Variants in CDH20 observed in about 807,000 individuals in gnomAD.
The protein encoded by CDH20 is cadherin 20.
A neutral mutation model predicts 74.2 loss-of-function variants in CDH20; 29 were observed. The ratio of observed to expected loss-of-function variants is 0.39; its 90% CI spans 0.29 to 0.53. The LOEUF (loss-of-function observed/expected upper bound fraction) is 0.53. Ranked by LOEUF, CDH20 falls within the 20% of genes least tolerant of loss-of-function variation. CDH20 has a pLI of 0.69. For synonymous variants in CDH20, 469 were observed against 405.4 expected, an observed-to-expected ratio of 1.16 and a Z score of -1.88; for missense variants, 988 against 1,048.3, an observed-to-expected ratio of 0.94 and a Z score of 0.79.
At chr18:61,430,160 G>C (rs1033971123) in intron 1 of CDH20, among the ~76,000 whole-genome samples, 7 of 151,736 alleles carry the variant, frequency 4.6e-5, no homozygotes, top group Admixed American at 1.3e-4. Flanking sequence ...TTGCAGTTTG[G>C]TCTTGGTCAT....
chr18:61,554,374 C>T lies in CDH20; in HGVS notation c.2085C>T (p.Pro695=). The T allele has an allele frequency of 6.2e-7, 1 of 1,612,926 alleles. No individual in the cohort carries two copies. Among genetic ancestry groups the T allele is most frequent in the Admixed American group, 1.7e-5 (1 of 59,996 alleles). ...NPREAQAGAA[P]KTRQDMLPEI... is the part of the protein sequence containing the mutation. ...GGGAGGCGCAGGCGGGGGCCGCCCC[C>T]AAGACGCGGCAGGACATGCTGCCCG... Residue 695 remains proline (P), a synonymous_variant, in exon 12 of 12, where the codon CCC becomes CCT. Transcript: ENST00000262717.
chr18:61,490,628 G>C lies in CDH20; in HGVS notation c.75G>C (p.Leu25=), dbSNP rs746672252. 9.9e-6 allele frequency: 16 copies of C among 1,613,934 alleles called. No individual in the cohort carries two copies. Among genetic ancestry groups the C allele is most frequent in the African/African-American group, 2.7e-5 (2 of 74,864 alleles). ...GCATGTCCTTGTACTTCTGGGGGCTGATGGACCTTACGACCACCGTTCTCT... is the reference window on the plus strand; with the variant it reads ...GCATGTCCTTGTACTTCTGGGGGCTCATGGACCTTACGACCACCGTTCTCT... ...GLGMSLYFWG[L]MDLTTTVLSD... The change falls in exon 2 of 12, where the codon CTG becomes CTC. Residue 25 remains leucine (L), a synonymous_variant. Transcript: ENST00000262717.
chr18:61,503,951 A>G (rs1170783097), intron 5 of CDH20, among the ~76,000 whole-genome samples: 1 of 152,192 alleles, frequency 6.6e-6, no homozygotes, highest in African/African-American at 2.4e-5. Context: ...GCACTATTCT[A>G]TGAATGGAAC....
intron 1 of CDH20, among the ~76,000 whole-genome samples, chr18:61,487,638 T>C (rs1019728531): frequency 3.9e-5 from 6 of 152,020 alleles, no homozygotes; most frequent in Non-Finnish European, 1.5e-5. Flanking sequence ...ACGTGTTCAG[T>C]GGAGGGGAGG....
intron 6 of CDH20, among the ~76,000 whole-genome samples, chr18:61,509,306 A>T (rs1911696065): frequency 6.6e-6 from 1 of 152,234 alleles, no homozygotes; most frequent in African/African-American, 2.4e-5. Flanking sequence ...TACAGTGAGC[A>T]GACTCATACC....
intron 11 of CDH20, among the ~76,000 whole-genome samples, chr18:61,553,340 T>C (rs1343673763): frequency 2.0e-5 from 3 of 151,902 alleles, no homozygotes; most frequent in African/African-American, 7.3e-5. Context: ...GAGAGATAAA[T>C]AGCTCAATGG....
intron 7 of CDH20, among the ~76,000 whole-genome samples, chr18:61,528,481 A>ACACACACACACACACCCC (rs755504850): frequency 4.0e-5 from 6 of 149,318 alleles, no homozygotes; most frequent in East Asian, 3.9e-4. Flanking sequence ...ACACACACAC[A>ACACACACACACACACCCC]CCCCTTAGTT....
intron 7 of CDH20, among the ~76,000 whole-genome samples, chr18:61,531,424 G>A (rs1198944326): frequency 6.6e-6 from 1 of 152,230 alleles, no homozygotes; most frequent in Non-Finnish European, 1.5e-5. Flanking sequence ...CCACATGGCT[G>A]GCTCTCTGCA....
chr18:61,416,541 T>A (rs1912690022), intron 1 of CDH20, among the ~76,000 whole-genome samples: 1 of 152,226 alleles, frequency 6.6e-6, no homozygotes, highest in South Asian at 2.1e-4. Context: ...TGCCTCACTA[T>A]CCAATTTAGC....
At chr18:61,383,654 A>G (rs1190545698) in intron 1 of CDH20, among the ~76,000 whole-genome samples, 1 of 152,214 alleles carries the variant, frequency 6.6e-6, no homozygotes, top group Non-Finnish European at 1.5e-5. Context: ...AGTTACCTGA[A>G]ATATTTACAT....
chr18:61,549,040 T>C (rs1260622096), intron 10 of CDH20, among the ~76,000 whole-genome samples: 2 of 152,322 alleles, frequency 1.3e-5, no homozygotes, highest in African/African-American at 2.4e-5. Context: ...TGGTATTAGC[T>C]TTGAGAATCA....
chr18:61,419,327 A>C (rs1429673938), intron 1 of CDH20, among the ~76,000 whole-genome samples: 1 of 152,220 alleles, frequency 6.6e-6, no homozygotes, highest in Non-Finnish European at 1.5e-5. Context: ...TCAGCCTCTC[A>C]AAGTGCTAGG....
intron 6 of CDH20, among the ~76,000 whole-genome samples, chr18:61,508,502 A>C (rs575252654): frequency 1.6e-3 from 210 of 130,672 alleles, no homozygotes; most frequent in Admixed American, 0.013. Context: ...TGGTTGGCTA[A>C]ATGCCCATCA....
chr18:61,534,520 T>C (rs1218669422), intron 7 of CDH20, among the ~76,000 whole-genome samples: 2 of 152,234 alleles, frequency 1.3e-5, no homozygotes, highest in Admixed American at 6.5e-5. Context: ...TAATGTGGCA[T>C]ACATACACAA....
intron 1 of CDH20, among the ~76,000 whole-genome samples, chr18:61,469,753 T>A (rs1277916228): frequency 6.6e-6 from 1 of 152,260 alleles, no homozygotes; most frequent in Admixed American, 6.5e-5. Flanking sequence ...TTTATGTATA[T>A]ACATTATCAT....
chr18:61,396,053 T>TGTGTGTGTGTGTGTGTG (rs1568123818), intron 1 of CDH20, among the ~76,000 whole-genome samples: 4,211 of 142,744 alleles, frequency 0.03, 89 homozygotes, highest in South Asian at 0.082. Flanking sequence ...GTGTGTGTGT[T>TGTGTGTGTGTGTGTGTG]TGTGTGTGTG....
At chr18:61,430,370 C>T (rs1002396232) in intron 1 of CDH20, among the ~76,000 whole-genome samples, 1 of 152,136 alleles carries the variant, frequency 6.6e-6, no homozygotes, top group African/African-American at 2.4e-5. Context: ...CTATTCTCAT[C>T]ACATCATATC....
intron 1 of CDH20, among the ~76,000 whole-genome samples, chr18:61,396,691 T>C (rs1911991722): frequency 6.6e-6 from 1 of 152,260 alleles, no homozygotes. Flanking sequence ...AGGTAGGAAC[T>C]TCAGTCCATA....
chr18:61,485,223 A>G (rs111668464), intron 1 of CDH20, among the ~76,000 whole-genome samples: 49 of 152,296 alleles, frequency 3.2e-4, no homozygotes, highest in African/African-American at 1.0e-3. Context: ...TCGATTCTCC[A>G]TACACCATCA....
Sources: allele counts gnomAD v4.1 joint callset (sites outside exome capture counted in the v4.1 genomes callset), GRCh38; gene constraint gnomAD v4.1.1; transcripts MANE v1.5; gene names NCBI Gene and HGNC (gene_info 2026-07-23, HGNC 2026-07-21).